CYP4X1: variants seen among roughly 807,000 people sequenced by gnomAD.
The protein encoded by CYP4X1 is cytochrome P450 4X1.
Under a neutral mutation model 57.9 loss-of-function variants are expected in CYP4X1, and 44 were observed. The ratio of observed to expected loss-of-function variants is 0.76; its 90% CI spans 0.60 to 0.98. The LOEUF is 0.98. Ranked by LOEUF, CYP4X1 falls within the 50% of genes least tolerant of loss-of-function variation. CYP4X1 has a pLI of 0.00. For synonymous variants in CYP4X1, 227 were observed against 228.6 expected, an observed-to-expected ratio of 0.99 and a Z score of 0.06; for missense variants, 532 against 623.9, an observed-to-expected ratio of 0.85 and a Z score of 1.57.
intron 8 of CYP4X1, among the ~76,000 whole-genome samples, chr1:47,040,001 G>A (rs1003114775): frequency 3.5e-5 from 5 of 142,352 alleles, no homozygotes; most frequent in African/African-American, 9.9e-5. Flanking sequence ...CATAATATTC[G>A]ATGATATATA....
the CYP4X1 span, among the ~76,000 whole-genome samples, chr1:47,016,337 C>CA: frequency 2.9e-5 from 4 of 138,058 alleles, no homozygotes; most frequent in African/African-American, 8.5e-5. Flanking sequence ...TTTTTTAATT[C>CA]TTTTTTTTTT....
At chr1:47,015,374 G>A in the CYP4X1 span, among the ~76,000 whole-genome samples, 16 of 152,180 alleles carry the variant, frequency 1.1e-4, no homozygotes, top group Admixed American at 2.0e-4. Context: ...CAGCTTGCTC[G>A]TCAATGCCCC....
chr1:46,962,346 G>A, the CYP4X1 span, among the ~76,000 whole-genome samples: 23 of 152,266 alleles, frequency 1.5e-4, no homozygotes, highest in South Asian at 3.9e-3. Context: ...TCAAACTCCT[G>A]ACCTCAAGGG....
At chr1:47,045,108 A>T (rs191376721) in intron 8 of CYP4X1, among the ~76,000 whole-genome samples, 3 of 152,314 alleles carry the variant, frequency 2.0e-5, no homozygotes, top group Non-Finnish European at 1.5e-5. Flanking sequence ...TGCAGGTGTG[A>T]GCCACTGCGC....
Position 47,038,672 on chromosome 1 carries a change from A to G in CYP4X1, c.788A>G (p.Gln263Arg), listed in dbSNP as rs375053239. The change falls in exon 7 of 12, where the codon CAG becomes CGG. Residue 263 changes from glutamine to arginine, a missense_variant. Transcript: ENST00000371901. The stretch of plus-strand genomic sequence containing the variant: ...TTTTTCTACCCAGATACAATAATCC[A>G]GGAAAGAAAGAAATCCCTCCAGGCT... The part of the protein sequence containing the change: ...VLNQYTDTII[Q>R]ERKKSLQAGV... 4.4e-6 allele frequency: 7 copies of G among 1,607,492 alleles called. No homozygotes were observed. Among genetic ancestry groups the G allele is most frequent in the South Asian group, 1.1e-5 (1 of 89,650 alleles).
At chr1:47,046,158 T>C (rs1644299268) in intron 8 of CYP4X1, among the ~76,000 whole-genome samples, 1 of 152,232 alleles carries the variant, frequency 6.6e-6, no homozygotes, top group Non-Finnish European at 1.5e-5. Flanking sequence ...GCCATTTTTA[T>C]GTATTATTAC....
the CYP4X1 span, among the ~76,000 whole-genome samples, chr1:47,003,845 T>A: frequency 6.6e-6 from 1 of 152,128 alleles, no homozygotes; most frequent in Non-Finnish European, 1.5e-5. Context: ...ACTATATCAT[T>A]CTACCCTTCC....
the CYP4X1 span, chr1:46,967,748 G>A: frequency 1.6e-6 from 2 of 1,264,054 alleles, no homozygotes; most frequent in Non-Finnish European, 2.1e-6. Context: ...TTGAACTTCA[G>A]CAAAATTCAT....
chr1:47,037,669 TA>T (rs1644200393), intron 6 of CYP4X1, among the ~76,000 whole-genome samples: 1 of 152,140 alleles, frequency 6.6e-6, no homozygotes, highest in East Asian at 1.9e-4. Context: ...CTGATAGTTA[TA>T]GCAACCATAA....
At chr1:46,978,767 C>A in the CYP4X1 span, among the ~76,000 whole-genome samples, 2 of 152,122 alleles carry the variant, frequency 1.3e-5, no homozygotes, top group African/African-American at 2.4e-5. Context: ...GAAATTACCA[C>A]AAATTGTCTC....
chr1:47,032,088 C>T (rs774732653), intron 3 of CYP4X1, among the ~76,000 whole-genome samples: 9 of 152,016 alleles, frequency 5.9e-5, no homozygotes, highest in Non-Finnish European at 1.2e-4. Context: ...GCAGTCTCAC[C>T]ATCCCTATTC....
At chr1:46,983,748 A>G in the CYP4X1 span, among the ~76,000 whole-genome samples, 6 of 152,288 alleles carry the variant, frequency 3.9e-5, no homozygotes, top group African/African-American at 1.4e-4. Flanking sequence ...TGGGAGCTAC[A>G]GCAGTGGCAA....
chr1:47,030,219 G>C, intron 2 of CYP4X1, 88 bp downstream of exon 2: 1 of 1,491,008 alleles, frequency 6.7e-7, no homozygotes, highest in Non-Finnish European at 9.0e-7. Flanking sequence ...GCAAAGATTG[G>C]TTTGGGGCCT....
the CYP4X1 span, among the ~76,000 whole-genome samples, chr1:46,974,430 T>C: frequency 6.6e-6 from 1 of 152,176 alleles, no homozygotes; most frequent in African/African-American, 2.4e-5. Flanking sequence ...GTTCTGTAGA[T>C]GTCTGTAAAG....
intron 8 of CYP4X1, 151 bp from the exon 9 acceptor site, chr1:47,046,316 A>G: frequency 1.0e-6 from 1 of 1,000,754 alleles, no homozygotes; most frequent in Non-Finnish European, 1.4e-6. Context: ...GCTCATCCTG[A>G]GGCAGAGAGT....
the CYP4X1 span, among the ~76,000 whole-genome samples, chr1:46,996,300 G>A: frequency 6.6e-6 from 1 of 152,198 alleles, no homozygotes; most frequent in Non-Finnish European, 1.5e-5. Context: ...CACCATCCAT[G>A]TAAAGGAGAT....
chr1:46,961,755 TG>T, the CYP4X1 span: 1 of 1,312,384 alleles, frequency 7.6e-7, no homozygotes, highest in Non-Finnish European at 1.0e-6. Flanking sequence ...TCCAGTGGAT[TG>T]GTGAGTAAGC....
At chr1:46,969,303 G>C in the CYP4X1 span, among the ~76,000 whole-genome samples, 2 of 152,164 alleles carry the variant, frequency 1.3e-5, no homozygotes, top group African/African-American at 2.4e-5. Context: ...TTCATGTCTT[G>C]TACATCCTGA....
the CYP4X1 span, among the ~76,000 whole-genome samples, chr1:47,013,693 CAAAT>C: frequency 0.042 from 6,288 of 150,426 alleles, 431 homozygotes; most frequent in African/African-American, 0.15. Context: ...TGATGTTAAG[CAAAT>C]AAACTCTTTC....
Sources: gnomAD v4.1 joint callset for allele counts (sites outside exome capture counted in the v4.1 genomes callset) on GRCh38, gnomAD v4.1.1 for gene constraint, MANE v1.5 for transcripts, NCBI Gene and HGNC (gene_info 2026-07-23, HGNC 2026-07-21) for gene names.